The following MTMR8 variants were observed in gnomAD, a reference collection of about 807,000 sequenced individuals.
The protein encoded by MTMR8 is phosphatidylinositol-3,5-bisphosphate 3-phosphatase MTMR8.
Under a neutral mutation model 39.3 loss-of-function variants are expected in MTMR8, and 65 were observed. That is an observed-to-expected ratio of 1.65 (90% CI 1.35 to 2.03). The LOEUF (loss-of-function observed/expected upper bound fraction) is 2.03. MTMR8 is among the 30% of genes most tolerant of loss of function. The pLI, the probability that MTMR8 is intolerant of heterozygous loss-of-function variation, is 0.00. For missense variants in MTMR8, 777 were observed against 538.9 expected (o/e 1.44, Z -4.37); for synonymous variants, 245 against 185.2 (o/e 1.32, Z -2.62).
intron 6 of MTMR8, 80 bp downstream of exon 6, chrX:64,348,580 A>G: frequency 2.7e-6 from 3 of 1,115,738 alleles, no homozygotes; most frequent in Non-Finnish European, 2.4e-6. Flanking sequence ...AACTTTCCCA[A>G]TAACACTGCA....
At chrX:64,305,932 T>C (rs1299376059) in intron 12 of MTMR8, 3 of 215,102 alleles carry the variant, frequency 1.4e-5, no homozygotes, top group Admixed American at 5.7e-5. Flanking sequence ...CTAGGCAACA[T>C]GGTGAGACCC....
At chrX:64,286,808 T>A (rs760198228) in intron 12 of MTMR8, among the ~76,000 whole-genome samples, 5 of 111,514 alleles carry the variant, frequency 4.5e-5, no homozygotes, top group Admixed American at 3.8e-4. Context: ...TGATGGGATA[T>A]ATCTCAAAAT....
intron 1 of MTMR8, among the ~76,000 whole-genome samples, chrX:64,361,717 G>C (rs1445685294): frequency 9.0e-6 from 1 of 111,280 alleles, no homozygotes; most frequent in African/African-American, 3.3e-5. Flanking sequence ...AACCTACAAA[G>C]TATGTTATGA....
At chrX:64,352,910 C>T (rs775570939) in intron 4 of MTMR8, among the ~76,000 whole-genome samples, 38 of 111,234 alleles carry the variant, frequency 3.4e-4, no homozygotes, top group East Asian at 2.8e-4. Flanking sequence ...TCCTTTCAAG[C>T]GTAAATACTC....
intron 1 of MTMR8, among the ~76,000 whole-genome samples, chrX:64,367,337 G>T (rs1431025150): frequency 8.9e-6 from 1 of 112,009 alleles, no homozygotes; most frequent in East Asian, 2.8e-4. Context: ...TATCCCTGAT[G>T]AACATCGATG....
chrX:64,344,281 G>T (rs191981467), intron 7 of MTMR8, among the ~76,000 whole-genome samples: 7 of 111,986 alleles, frequency 6.3e-5, no homozygotes, highest in Non-Finnish European at 1.1e-4. Context: ...AGAGACCTAA[G>T]GAAGAGGGAT....
intron 12 of MTMR8, among the ~76,000 whole-genome samples, chrX:64,297,859 T>G (rs1409818904): frequency 1.8e-5 from 2 of 108,137 alleles, no homozygotes; most frequent in East Asian, 2.9e-4. Context: ...CATTGCTTGT[T>G]TTTCTCAGGT....
At chrX:64,378,377 T>C (rs752627944) in intron 1 of MTMR8, among the ~76,000 whole-genome samples, 1 of 111,420 alleles carries the variant, frequency 9.0e-6, no homozygotes, top group Non-Finnish European at 1.9e-5. Context: ...TAAATCACCA[T>C]GCCAACATAA....
chrX:64,278,036 G>A (rs1053961289), intron 12 of MTMR8, among the ~76,000 whole-genome samples: 6 of 108,311 alleles, frequency 5.5e-5, no homozygotes, highest in Non-Finnish European at 1.1e-4. Context: ...TGATACTTGT[G>A]TATGCTTCAC....
intron 12 of MTMR8, among the ~76,000 whole-genome samples, chrX:64,288,266 A>T (rs766961492): frequency 9.0e-6 from 1 of 110,822 alleles, no homozygotes; most frequent in Non-Finnish European, 1.9e-5. Context: ...GCCATGAAAC[A>T]ATGCTCATCA....
At chrX:64,292,929 T>C (rs1182626123) in intron 12 of MTMR8, among the ~76,000 whole-genome samples, 1 of 111,491 alleles carries the variant, frequency 9.0e-6, no homozygotes, top group Non-Finnish European at 1.9e-5. Context: ...AGTCCACATA[T>C]ACCTTGTTGA....
intron 1 of MTMR8, among the ~76,000 whole-genome samples, chrX:64,368,162 G>A (rs969664548): frequency 9.0e-6 from 1 of 111,334 alleles, no homozygotes; most frequent in Non-Finnish European, 1.9e-5. Flanking sequence ...AATCAATATC[G>A]TGAAAATGGC....
chrX:64,278,947 G>A (rs1012130057), intron 12 of MTMR8, among the ~76,000 whole-genome samples: 4 of 111,644 alleles, frequency 3.6e-5, no homozygotes, highest in Non-Finnish European at 3.8e-5. Context: ...TGGAAGCTTC[G>A]TCCCAGAGGG....
intron 12 of MTMR8, among the ~76,000 whole-genome samples, chrX:64,295,613 C>G (rs957681196): frequency 1.8e-5 from 2 of 110,890 alleles, no homozygotes; most frequent in Non-Finnish European, 3.8e-5. Context: ...AAAACTCAAC[C>G]ACAAAAAACA....
intron 13 of MTMR8, among the ~76,000 whole-genome samples, chrX:64,269,525 C>G (rs188207288): frequency 2.3e-4 from 26 of 111,217 alleles, no homozygotes; most frequent in African/African-American, 8.5e-4. Context: ...CTGCCTGATG[C>G]CAAAGTCTAT....
At chrX:64,343,481 A>G in intron 8 of MTMR8, 130 bp downstream of exon 8, 2 of 434,771 alleles carry the variant, frequency 4.6e-6, no homozygotes, top group South Asian at 8.7e-5. Flanking sequence ...AAGGGCACAC[A>G]GTGAATTAGT....
chrX:64,368,613 A>G (rs1336177903), intron 1 of MTMR8, among the ~76,000 whole-genome samples: 1 of 112,117 alleles, frequency 8.9e-6, no homozygotes, highest in Non-Finnish European at 1.9e-5. Context: ...TTAATTCAAG[A>G]TGGATTAAAG....
At chrX:64,342,021 G>A (rs1431204768) in intron 8 of MTMR8, among the ~76,000 whole-genome samples, 1 of 112,102 alleles carries the variant, frequency 8.9e-6, no homozygotes, top group Non-Finnish European at 1.9e-5. Context: ...CCAAGCTGGG[G>A]CGACATTGTG....
chrX:64,321,494 T>G (rs1311735935), intron 12 of MTMR8, among the ~76,000 whole-genome samples: 1 of 111,985 alleles, frequency 8.9e-6, no homozygotes, highest in African/African-American at 3.2e-5. Flanking sequence ...AAAGAATGAA[T>G]TAATGAACTT....
Sources: allele counts gnomAD v4.1 joint callset (sites outside exome capture counted in the v4.1 genomes callset), GRCh38; gene constraint gnomAD v4.1.1; transcripts MANE v1.5; gene names NCBI Gene and HGNC (gene_info 2026-07-23, HGNC 2026-07-21).